The following ELOVL6 variants were observed in gnomAD, a reference collection of about 807,000 sequenced individuals.
ELOVL6 encodes ELOVL fatty acid elongase 6.
In ELOVL6, 8 loss-of-function variants were observed where a neutral mutation model predicts 31.7. That is an observed-to-expected ratio of 0.25 (90% CI 0.15 to 0.45). ELOVL6 has a LOEUF of 0.45. Ranked by LOEUF, ELOVL6 falls within the 20% of genes least tolerant of loss-of-function variation. ELOVL6 has a pLI of 1.00. For missense variants in ELOVL6, 126 were observed against 326.4 expected, an observed-to-expected ratio of 0.39 and a Z score of 4.73; for synonymous variants, 101 against 117.7, an observed-to-expected ratio of 0.86 and a Z score of 0.92.
intron 1 of ELOVL6, among the ~76,000 whole-genome samples, chr4:110,172,028 C>T (rs1295403100): frequency 6.6e-6 from 1 of 152,054 alleles, no homozygotes; most frequent in African/African-American, 2.4e-5. Flanking sequence ...ATGTGTTTCC[C>T]TGAGTTCTCT....
intron 1 of ELOVL6, among the ~76,000 whole-genome samples, chr4:110,107,099 C>T (rs950127710): frequency 1.3e-5 from 2 of 152,116 alleles, no homozygotes; most frequent in African/African-American, 4.8e-5. Flanking sequence ...TTGTAAAATG[C>T]TTCGTGTTTT....
At chr4:110,180,188 C>T (rs1210761560) in intron 1 of ELOVL6, among the ~76,000 whole-genome samples, 1 of 152,086 alleles carries the variant, frequency 6.6e-6, no homozygotes, top group Non-Finnish European at 1.5e-5. Flanking sequence ...AATGCAAGTT[C>T]ACCCCCTAAA....
At chr4:110,120,175 C>CTT (rs1757302867) in intron 1 of ELOVL6, among the ~76,000 whole-genome samples, 2 of 152,092 alleles carry the variant, frequency 1.3e-5, no homozygotes, top group Admixed American at 1.3e-4. Context: ...CATGCACACA[C>CTT]CATGTGGATA....
chr4:110,148,110 A>C (rs935208467), intron 1 of ELOVL6, among the ~76,000 whole-genome samples: 1 of 123,238 alleles, frequency 8.1e-6, no homozygotes, highest in African/African-American at 4.0e-5. Flanking sequence ...ACTCGGTCTC[A>C]AAAAAAAAAA....
At position 110,105,358 on chromosome 4, in the gene ELOVL6, C is replaced by G. The variant is rs1488749231; in HGVS notation, c.221+139G>C. The G allele has an allele frequency of 5.5e-6, 5 of 902,762 alleles. No individual in the cohort carries two copies. In the African/African-American group the frequency reaches 6.8e-5, roughly 12 times the overall value. 55.9% of individuals were successfully genotyped at this position (902,762 alleles called of 1,614,324 possible). A position where few individuals can be genotyped will look rare whatever the true frequency, so the allele number is the denominator to read the frequency against. The stretch of plus-strand genomic sequence containing the variant: ...AATGGTGGCAGTGAAGGCTTTCTTT[C>G]TGAACATGACTTTATTTTATGTCCT... On this transcript the variant is annotated intron_variant, in intron 2 of 3. Transcript: ENST00000302274.
Position 110,048,795 on chromosome 4 carries a change from A to G in ELOVL6, c.*2543T>C, listed in dbSNP as rs952069750. 1 of 152,250 alleles carries G rather than the reference A, an allele frequency of 6.6e-6. No homozygotes were observed. Among genetic ancestry groups the G allele is most frequent in the African/African-American group, 2.4e-5 (1 of 41,468 alleles). The allele number at this position is 152,250 out of a possible 1,614,324, so 9.4% of individuals were successfully genotyped here. ...ATATTTAGCTAATTTTAAAACTATTAAGACATTCACCCTGTAAACAAAAAT... is the reference window on the plus strand; with the variant it reads ...ATATTTAGCTAATTTTAAAACTATTGAGACATTCACCCTGTAAACAAAAAT... On this transcript the variant is annotated 3_prime_UTR_variant, in exon 4 of 4. Transcript: ENST00000302274.
Position 110,048,887 on chromosome 4 carries a change from A to G in ELOVL6, c.*2451T>C, listed in dbSNP as rs1754766012. Reference sequence around the variant, plus strand: ...AATACCAAAATGAAAGTGCTTTGGAAGCATCATTTAGAGTCTTTTTAAGGT... The same window carrying G: ...AATACCAAAATGAAAGTGCTTTGGAGGCATCATTTAGAGTCTTTTTAAGGT... On this transcript the variant is annotated 3_prime_UTR_variant, in exon 4 of 4. Transcript: ENST00000302274. 1 of 152,218 alleles carries G rather than the reference A, an allele frequency of 6.6e-6. No individual in the cohort carries two copies. The highest frequency in any genetic ancestry group is 1.5e-5 in the Non-Finnish European group (1 of 68,044). 9.4% of individuals were successfully genotyped at this position (152,218 alleles called of 1,614,324 possible).
chr4:110,118,254 G>T (rs899178063), intron 1 of ELOVL6, among the ~76,000 whole-genome samples: 1 of 151,612 alleles, frequency 6.6e-6, no homozygotes, highest in Non-Finnish European at 1.5e-5. Context: ...CACTGCGCCT[G>T]GCCAGTGATC....
chr4:110,185,976 G>C (rs1254059781), intron 1 of ELOVL6, among the ~76,000 whole-genome samples: 4 of 152,172 alleles, frequency 2.6e-5, no homozygotes, highest in African/African-American at 9.7e-5. Context: ...CGGATCACAA[G>C]GTCAGGAGTT....
Position 110,178,153 on chromosome 4 carries a change from C to A in ELOVL6, c.89+20094G>T, listed in dbSNP as rs140675784. On this transcript the variant is annotated intron_variant, in intron 1 of 3. Coordinates refer to ENST00000302274, the MANE Select transcript of ELOVL6 (RefSeq NM_024090.3). ...AAATTCTCTCATTTACAGTTTGGTG[C>A]AGGAAGTATTTAACAACATGCAGAA... 2.8e-3 allele frequency among the ~76,000 whole-genome samples: 421 copies of A among 152,214 alleles called. 1 individual carries two copies. Among genetic ancestry groups the A allele is most frequent in the African/African-American group, 8.6e-3 (356 of 41,546 alleles).
At position 110,171,679 on chromosome 4, in the gene ELOVL6, C is replaced by CTTTTTT. The variant is rs70956406; in HGVS notation, c.89+26562_89+26567dup. On this transcript the variant is annotated intron_variant, in intron 1 of 3. Transcript: ENST00000302274. ...TCATCTGTATCTTGCATAATATCCT[C>CTTTTTT]TTTTTTTTTTTTTTTTTTTTTTTTT... 2.4e-4 allele frequency among the ~76,000 whole-genome samples: 16 copies of CTTTTTT among 66,194 alleles called. 1 individual carries two copies. The highest frequency in any genetic ancestry group is 6.3e-4 in the African/African-American group (12 of 18,924). The allele number at this position is 66,194 out of a possible 152,430, so 43.4% of individuals were successfully genotyped here.
chr4:110,176,561 G>C (rs767917787), intron 1 of ELOVL6, among the ~76,000 whole-genome samples: 3 of 152,186 alleles, frequency 2.0e-5, no homozygotes, highest in Admixed American at 6.5e-5. Flanking sequence ...TCTTTCTTCT[G>C]AGAGTATACA....
At chr4:110,141,766 A>ATATATATACAGTATATATG (rs1432888809) in intron 1 of ELOVL6, among the ~76,000 whole-genome samples, 3 of 136,676 alleles carry the variant, frequency 2.2e-5, no homozygotes, top group African/African-American at 8.5e-5. Context: ...TTGTATTAGT[A>ATATATATACAGTATATATG]TATATATACA....
chr4:110,055,795 C>A (rs1389427236), intron 3 of ELOVL6, among the ~76,000 whole-genome samples: 1 of 152,200 alleles, frequency 6.6e-6, no homozygotes, highest in Admixed American at 6.5e-5. Flanking sequence ...AAAACAAAAT[C>A]TCAGCGGGTT....
At chr4:110,106,892 A>G (rs1373420597) in intron 1 of ELOVL6, among the ~76,000 whole-genome samples, 2 of 152,216 alleles carry the variant, frequency 1.3e-5, no homozygotes, top group Admixed American at 6.5e-5. Flanking sequence ...ACAAACTTCT[A>G]TAATAGAACT....
chr4:110,164,756 GAA>G lies in ELOVL6; in HGVS notation c.89+33489_89+33490del, dbSNP rs74185134. Among the ~76,000 whole-genome samples, 65 of 125,790 alleles carry G rather than the reference GAA, an allele frequency of 5.2e-4. 1 individual carries two copies. The East Asian group carries it at 0.01, about 20-fold the overall frequency. The allele number at this position is 125,790 out of a possible 152,430, so 82.5% of individuals were successfully genotyped here. A position where few individuals can be genotyped will look rare whatever the true frequency, so the allele number is the denominator to read the frequency against. ...CCTGTCTCAAAAAAAAAAAAAAAAA[GAA>G]AAAAAAAAAAACACTCAGGTTGGAA... On this transcript the variant is annotated intron_variant, in intron 1 of 3. Coordinates refer to ENST00000302274, the MANE Select transcript of ELOVL6 (RefSeq NM_024090.3).
chr4:110,114,334 G>A (rs1757118364), intron 1 of ELOVL6, among the ~76,000 whole-genome samples: 1 of 151,998 alleles, frequency 6.6e-6, no homozygotes. Context: ...AAAGCTGTAG[G>A]CATTTTTTTT....
chr4:110,104,732 G>T (rs11937187), intron 2 of ELOVL6, among the ~76,000 whole-genome samples: 47,132 of 152,050 alleles, frequency 0.31, 8,413 homozygotes, highest in East Asian at 0.71. Context: ...AGGTGCCTTT[G>T]TTAGCACTCT....
chr4:110,136,081 G>A (rs1364142689), intron 1 of ELOVL6, among the ~76,000 whole-genome samples: 1 of 152,166 alleles, frequency 6.6e-6, no homozygotes, highest in Non-Finnish European at 1.5e-5. Flanking sequence ...AAGACTGCAT[G>A]TTCATAAACT....
Sources: allele counts gnomAD v4.1 joint callset (sites outside exome capture counted in the v4.1 genomes callset), GRCh38; gene constraint gnomAD v4.1.1; transcripts MANE v1.5; gene names NCBI Gene and HGNC (gene_info 2026-07-23, HGNC 2026-07-21).